CCDC88A: variants seen among roughly 807,000 people sequenced by gnomAD.
The protein encoded by CCDC88A is coiled-coil and HOOK domain protein 88A.
A neutral mutation model predicts 234.3 loss-of-function variants in CCDC88A; 54 were observed. The observed-to-expected ratio is 0.23, with a 90% CI of 0.19 to 0.29. The LOEUF (loss-of-function observed/expected upper bound fraction) is 0.29. Among genes scored for constraint, CCDC88A ranks in the 10% least tolerant of loss-of-function variants. CCDC88A has a pLI of 1.00. For missense variants in CCDC88A, 1,832 were observed against 2,123.4 expected (o/e 0.86, Z 2.70); for synonymous variants, 753 against 737.8 (o/e 1.02, Z -0.33).
intron 7 of CCDC88A, 57 bp downstream of exon 7, chr2:55,362,251 A>G (rs1191674688): frequency 3.0e-6 from 4 of 1,343,550 alleles, no homozygotes; most frequent in Non-Finnish European, 4.1e-6. Flanking sequence ...TCCTAAAGCT[A>G]CTATTTTCTT....
intron 3 of CCDC88A, among the ~76,000 whole-genome samples, chr2:55,384,592 C>CGTATATATGTGTATATATACGT (rs1558788505): frequency 1.3e-5 from 1 of 76,228 alleles, no homozygotes; most frequent in African/African-American, 5.6e-5. Flanking sequence ...TATATATACA[C>CGTATATATGTGTATATATACGT]ATATATACGT....
At chr2:55,299,710 T>C in intron 29 of CCDC88A, 129 bp downstream of exon 29, 2 of 644,526 alleles carry the variant, frequency 3.1e-6, no homozygotes, top group East Asian at 5.2e-5. Flanking sequence ...GTATAAAATG[T>C]TCCAAACAAC....
chr2:55,328,175 GAAGA>G lies in CCDC88A; in HGVS notation c.2997+115_2997+118del. The stretch of plus-strand genomic sequence containing the variant: ...GAATATTCTCAAGTTTATGAAAAAG[GAAGA>G]AATAGACTAAATATCAATAAAATGT... On this transcript the variant is annotated intron_variant, in intron 17 of 32. Coordinates refer to ENST00000436346, the MANE Select transcript of CCDC88A (RefSeq NM_001365480.1). The surrounding 1 kb of genome is among the most constrained non-coding windows in gnomAD (Gnocchi z 4.3). 1.3e-6 allele frequency: 1 copy of G among 795,180 alleles called. No individual in the cohort carries two copies. The allele number at this position is 795,180 out of a possible 1,614,324, so 49.3% of individuals were successfully genotyped here. A position where few individuals can be genotyped will look rare whatever the true frequency, so the allele number is the denominator to read the frequency against.
At chr2:55,417,124 A>G (rs1327515965) in intron 2 of CCDC88A, 1 of 152,102 alleles carries the variant, frequency 6.6e-6, no homozygotes, top group African/African-American at 2.4e-5. Context: ...TTAAGCATAA[A>G]ACTGCATTTG....
Position 55,295,695 on chromosome 2 carries a change from C to T in CCDC88A, c.5453G>A (p.Arg1818Lys). ...GGTCAAAAAATCATGGATGCTTGTCCTTCGTGTAGTTCCTTCGGCAGTTGA... is the reference window on the plus strand; with the variant it reads ...GGTCAAAAAATCATGGATGCTTGTCTTTCGTGTAGTTCCTTCGGCAGTTGA... Reference protein sequence around the residue: ...VISTAEGTTRRTSIHDFLTKD... With the variant: ...VISTAEGTTRKTSIHDFLTKD... Residue 1818 changes from arginine (R) to lysine (K), a missense_variant, in exon 31 of 33, where the codon AGG (arginine) becomes AAG (lysine). Around this residue, in one of 6 missense-constraint regions of CCDC88A, gnomAD observed 422 missense variants for 416.5 expected, o/e 1.01. Transcript: ENST00000436346. 6.2e-7 allele frequency: 1 copy of T among 1,614,184 alleles called. No individual in the cohort carries two copies.
intron 25 of CCDC88A, among the ~76,000 whole-genome samples, chr2:55,304,815 G>C (rs1466883998): frequency 6.6e-6 from 1 of 152,034 alleles, no homozygotes; most frequent in African/African-American, 2.4e-5. Context: ...TGTAATTTAG[G>C]AATTAGGAAA....
chr2:55,376,749 T>C (rs1295024270), intron 3 of CCDC88A, among the ~76,000 whole-genome samples: 2 of 152,232 alleles, frequency 1.3e-5, no homozygotes, highest in East Asian at 1.9e-4. Context: ...AGTTTTCCAA[T>C]TAAAAGCAAG....
At position 55,413,031 on chromosome 2, in the gene CCDC88A, C is replaced by T. The variant is rs145099282; in HGVS notation, c.164+5785G>A. 3.3e-3 allele frequency among the ~76,000 whole-genome samples: 500 copies of T among 151,800 alleles called. 3 individuals carry two copies. The highest frequency in any genetic ancestry group is 0.01 in the African/African-American group (423 of 41,354). On this transcript the variant is annotated intron_variant, in intron 2 of 32. Transcript: ENST00000436346. ...CCAGCCTGGGCAAAAAAGTGAGACC[C>T]GGTCTCTATAAAAAAAATTTTAAAA...
chr2:55,370,508 G>A (rs1198012717), intron 5 of CCDC88A, among the ~76,000 whole-genome samples: 1 of 151,778 alleles, frequency 6.6e-6, no homozygotes, highest in Non-Finnish European at 1.5e-5. Flanking sequence ...AGGTGTGGTA[G>A]CACACATCTA....
In CCDC88A at chr2:55,388,799, T is replaced by C. The variant is rs758046803; in HGVS notation, c.252A>G (p.Arg84=). ...LRMHNLSILV[R]QIKFYYQETL... ...TTACCTGGTAATAAAATTTTATCTG[T>C]CTCACCAAAATGGATAGATTGTGCA... Residue 84 remains arginine (R), a synonymous_variant, in exon 3 of 33, where the codon AGA becomes AGG. Transcript: ENST00000436346. 1 of 1,483,368 alleles carries C rather than the reference T, an allele frequency of 6.7e-7. No homozygotes were observed. The highest frequency in any genetic ancestry group is 2.4e-5 in the East Asian group (1 of 41,964). 91.9% of individuals were successfully genotyped at this position (1,483,368 alleles called of 1,614,324 possible).
chr2:55,365,759 T>G (rs893205544), intron 5 of CCDC88A, among the ~76,000 whole-genome samples: 12 of 152,158 alleles, frequency 7.9e-5, no homozygotes, highest in African/African-American at 2.9e-4. Context: ...TTTCATAGGC[T>G]TTTGAAGGCT....
At chr2:55,365,323 T>G (rs749830455) in intron 5 of CCDC88A, among the ~76,000 whole-genome samples, 3 of 152,112 alleles carry the variant, frequency 2.0e-5, no homozygotes, top group Non-Finnish European at 4.4e-5. Context: ...ATTCATAGCA[T>G]ATATAACATA....
intron 3 of CCDC88A, among the ~76,000 whole-genome samples, chr2:55,381,092 T>C (rs1674508314): frequency 6.6e-6 from 1 of 152,198 alleles, no homozygotes; most frequent in South Asian, 2.1e-4. Flanking sequence ...ACCATTGTGT[T>C]ACAACTGCCT....
intron 12 of CCDC88A, among the ~76,000 whole-genome samples, chr2:55,341,601 T>C (rs2920964): frequency 0.45 from 68,132 of 151,240 alleles, 16,861 homozygotes; most frequent in East Asian, 0.85. Flanking sequence ...TGCGCCACCA[T>C]GCCTGGCTAA....
At position 55,413,877 on chromosome 2, in the gene CCDC88A, G is replaced by A. The variant is rs561414877; in HGVS notation, c.164+4939C>T. On this transcript the variant is annotated intron_variant, in intron 2 of 32. Transcript: ENST00000436346. The stretch of plus-strand genomic sequence containing the variant: ...TAAGGTGGGAGGATAGCTTGAGCCC[G>A]GGAGGTGAAGGCTGCAGTGAGCGGT... 5.2e-4 allele frequency among the ~76,000 whole-genome samples: 79 copies of A among 152,016 alleles called. No individual in the cohort carries two copies. In the Middle Eastern group the frequency reaches 0.01, roughly 20 times the overall value.
chr2:55,332,285 A>AT lies in CCDC88A; in HGVS notation c.2855+280dup, dbSNP rs1023704698. On this transcript the variant is annotated intron_variant, in intron 16 of 32. Transcript: ENST00000436346. This position sits in a 1 kb window ranked among gnomAD's most constrained non-coding sequence, Gnocchi z 4.5. Reference sequence around the variant, plus strand: ...AGGCATGCACCACCATGCCCAGCTAATTTTTTTTGTATTTTTAGTAAAGAC... The same window carrying AT: ...AGGCATGCACCACCATGCCCAGCTAATTTTTTTTTGTATTTTTAGTAAAGAC... The AT allele has an allele frequency of 2.1e-5, 4 of 190,276 alleles. No homozygotes were observed. The highest frequency in any genetic ancestry group is 4.1e-5 in the Non-Finnish European group (4 of 97,774). 11.8% of individuals were successfully genotyped at this position (190,276 alleles called of 1,614,324 possible).
At chr2:55,377,115 A>C (rs558155313) in intron 3 of CCDC88A, among the ~76,000 whole-genome samples, 3 of 151,294 alleles carry the variant, frequency 2.0e-5, no homozygotes, top group Non-Finnish European at 4.4e-5. Context: ...TACAGGCATG[A>C]GCCACCGTGC....
chr2:55,391,452 G>A (rs1053487900), intron 2 of CCDC88A, among the ~76,000 whole-genome samples: 1 of 152,100 alleles, frequency 6.6e-6, no homozygotes, highest in Non-Finnish European at 1.5e-5. Flanking sequence ...AAAGAAAATG[G>A]AAACAGTCAA....
At chr2:55,296,660 G>A (rs1300637441) in intron 29 of CCDC88A, 137 bp from the exon 30 acceptor site, 4 of 775,938 alleles carry the variant, frequency 5.2e-6, no homozygotes, top group Non-Finnish European at 8.3e-6. Flanking sequence ...GAAATGCTTA[G>A]TAAACCATGT....
Sources: allele counts gnomAD v4.1 joint callset (sites outside exome capture counted in the v4.1 genomes callset), GRCh38; gene constraint gnomAD v4.1.1; regional missense constraint gnomAD v4.1.1; non-coding constraint Gnocchi (gnomAD v3.1); transcripts MANE v1.5; gene names NCBI Gene and HGNC (gene_info 2026-07-23, HGNC 2026-07-21).